Variants in SYNPO2 observed in about 807,000 individuals in gnomAD.
SYNPO2 encodes synaptopodin 2.
Under a neutral mutation model 85.0 loss-of-function variants are expected in SYNPO2, and 56 were observed. The ratio of observed to expected loss-of-function variants is 0.66; its 90% confidence interval spans 0.53 to 0.82. SYNPO2 has a LOEUF of 0.82. SYNPO2 is among the 40% of genes least tolerant of loss of function. The pLI, the probability that SYNPO2 is intolerant of heterozygous loss-of-function variation, is 0.00. For missense variants in SYNPO2, 1,575 were observed against 1,534.2 expected, an observed-to-expected ratio of 1.03 and a Z score of -0.44; for synonymous variants, 602 against 591.1, an observed-to-expected ratio of 1.02 and a Z score of -0.27.
intron 1 of SYNPO2, among the ~76,000 whole-genome samples, chr4:118,880,730 G>A (rs1732069756): frequency 7.3e-6 from 1 of 137,152 alleles, no homozygotes. Context: ...CTGGGCGACA[G>A]AGCGAGACTC....
At chr4:118,887,273 G>T (rs940688957), upstream of SYNPO2, among the ~76,000 whole-genome samples, 2 of 152,030 alleles carry the variant, frequency 1.3e-5, no homozygotes, top group African/African-American at 4.8e-5. Context: ...TGCAGGGAGA[G>T]GCTCAAGCCA....
intron 4 of SYNPO2, among the ~76,000 whole-genome samples, chr4:119,049,717 T>C (rs1446662988): frequency 6.6e-6 from 1 of 152,212 alleles, no homozygotes; most frequent in African/African-American, 2.4e-5. Context: ...TAAGCTGTTT[T>C]ATTAACAAGC....
At chr4:119,007,292 A>G (rs1234290498) in intron 1 of SYNPO2, among the ~76,000 whole-genome samples, 19 of 82,274 alleles carry the variant, frequency 2.3e-4, no homozygotes, top group South Asian at 8.8e-4. Context: ...ACATATATAT[A>G]TATATGTATA....
intron 1 of SYNPO2, among the ~76,000 whole-genome samples, chr4:118,959,429 TC>T (rs761674205): frequency 1.3e-5 from 2 of 152,218 alleles, no homozygotes; most frequent in Non-Finnish European, 2.9e-5. Context: ...AAAGGGCTTT[TC>T]TTCTCTCTCA....
chr4:119,039,692 A>C (rs1738646441), intron 4 of SYNPO2, among the ~76,000 whole-genome samples: 1 of 152,214 alleles, frequency 6.6e-6, no homozygotes, highest in African/African-American at 2.4e-5. Context: ...AGTTATGGTA[A>C]TTTATACCTG....
At chr4:118,945,364 T>A (rs191771766) in intron 1 of SYNPO2, among the ~76,000 whole-genome samples, 25 of 152,298 alleles carry the variant, frequency 1.6e-4, no homozygotes, top group Admixed American at 3.3e-4. Flanking sequence ...AAAGAAATTA[T>A]CCATGACATA....
chr4:119,030,149 A>G lies in SYNPO2; in HGVS notation c.1374A>G (p.Gln458=). ...ELLSDVDDNT[Q]VVNFDWDSGL... The stretch of plus-strand genomic sequence containing the variant: ...TGTCTGACGTTGACGACAACACACA[A>G]GTTGTGAACTTTGACTGGGATTCTG... The change falls in exon 4 of 5, where the codon CAA becomes CAG. Residue 458 remains glutamine, a synonymous_variant. Transcript: ENST00000307142. The G allele has an allele frequency of 2.5e-6, 4 of 1,614,144 alleles. No individual in the cohort carries two copies. The highest frequency in any genetic ancestry group is 3.4e-6 in the Non-Finnish European group (4 of 1,180,020).
chr4:119,016,790 G>C (rs1012853846), intron 1 of SYNPO2, among the ~76,000 whole-genome samples: 3 of 152,164 alleles, frequency 2.0e-5, no homozygotes, highest in African/African-American at 7.2e-5. Flanking sequence ...CTAGCATCAT[G>C]ATGGCTGCTT....
intron 1 of SYNPO2, among the ~76,000 whole-genome samples, chr4:118,923,072 C>T (rs138709212): frequency 1.3e-5 from 2 of 152,200 alleles, no homozygotes; most frequent in African/African-American, 2.4e-5. Flanking sequence ...ACAAAATATT[C>T]TCTGCCATAC....
At chr4:118,915,625 A>G (rs1733290287) in intron 1 of SYNPO2, among the ~76,000 whole-genome samples, 1 of 152,092 alleles carries the variant, frequency 6.6e-6, no homozygotes, top group South Asian at 2.1e-4. Context: ...GGTTTTTGCT[A>G]TTGTGAACAC....
At chr4:119,005,651 T>C (rs1737007004) in intron 1 of SYNPO2, among the ~76,000 whole-genome samples, 1 of 151,398 alleles carries the variant, frequency 6.6e-6, no homozygotes, top group African/African-American at 2.4e-5. Context: ...TAGTTTGAAG[T>C]CAGATAGCGT....
chr4:118,896,682 C>T (rs184700026), intron 1 of SYNPO2, among the ~76,000 whole-genome samples: 1 of 152,288 alleles, frequency 6.6e-6, no homozygotes, highest in East Asian at 1.9e-4. Context: ...AGAGTCTCAA[C>T]AAACTGTATC....
intron 1 of SYNPO2, among the ~76,000 whole-genome samples, chr4:118,955,546 T>C (rs1370647537): frequency 3.3e-5 from 5 of 152,118 alleles, no homozygotes; most frequent in South Asian, 4.1e-4. Context: ...TTGGGCCTTC[T>C]AAAGTGGCAG....
chr4:119,000,138 C>CA (rs1268199201), intron 1 of SYNPO2, among the ~76,000 whole-genome samples: 1 of 152,194 alleles, frequency 6.6e-6, no homozygotes, highest in African/African-American at 2.4e-5. Flanking sequence ...GCAATGTGAG[C>CA]AAGACAGCCT....
At chr4:119,057,078 CCCCCGCCCTG>C (rs1432310935) in intron 4 of SYNPO2, among the ~76,000 whole-genome samples, 1 of 152,090 alleles carries the variant, frequency 6.6e-6, no homozygotes, top group Non-Finnish European at 1.5e-5. Context: ...GATGACAGAG[CCCCCGCCCTG>C]CCCCTAGTGA....
intron 1 of SYNPO2, among the ~76,000 whole-genome samples, chr4:118,862,976 A>T (rs1386235130): frequency 6.6e-6 from 1 of 151,872 alleles, no homozygotes; most frequent in African/African-American, 2.4e-5. Flanking sequence ...TCACCTGGCT[A>T]ATTTTTGTAT....
chr4:119,030,967 C>A lies in SYNPO2; in HGVS notation c.2192C>A (p.Pro731Gln). 1.2e-6 allele frequency: 2 copies of A among 1,614,108 alleles called. No homozygotes were observed. Among genetic ancestry groups the A allele is most frequent in the African/African-American group, 2.7e-5 (2 of 75,012 alleles). Residue 731 changes from proline to glutamine, a missense_variant, in exon 4 of 5, where the codon CCG becomes CAG. Transcript: ENST00000307142. ...ACTGGAGCTGGAGGTGATTCCGGACCGGAAGAAGACTACCTCAGCTTGGGG... is the reference window on the plus strand; with the variant it reads ...ACTGGAGCTGGAGGTGATTCCGGACAGGAAGAAGACTACCTCAGCTTGGGG... ...RGTGAGGDSG[P>Q]EEDYLSLGAE... is the part of the protein sequence containing the mutation.
At chr4:118,970,180 A>C (rs1578597234) in intron 1 of SYNPO2, among the ~76,000 whole-genome samples, 1 of 152,316 alleles carries the variant, frequency 6.6e-6, no homozygotes. Context: ...ATAAATTATC[A>C]ACAGATTTCA....
intron 1 of SYNPO2, among the ~76,000 whole-genome samples, chr4:118,986,105 C>G (rs1023129812): frequency 1.3e-5 from 2 of 152,118 alleles, no homozygotes; most frequent in Non-Finnish European, 2.9e-5. Flanking sequence ...TGTAAAATCC[C>G]CAACCCCCAG....
Sources: allele counts gnomAD v4.1 joint callset (sites outside exome capture counted in the v4.1 genomes callset), GRCh38; gene constraint gnomAD v4.1.1; transcripts MANE v1.5; gene names NCBI Gene and HGNC (gene_info 2026-07-23, HGNC 2026-07-21).